The following TNR variants were observed in gnomAD, a reference collection of about 807,000 sequenced individuals.
The protein encoded by TNR is tenascin-R.
Under a neutral mutation model 150.4 loss-of-function variants are expected in TNR, and 45 were observed. The ratio of observed to expected loss-of-function variants is 0.30; its 90% CI spans 0.24 to 0.38. TNR has a LOEUF of 0.38. Among genes scored for constraint, TNR ranks in the 10% least tolerant of loss-of-function variants. TNR has a pLI of 1.00. For synonymous variants in TNR, 687 were observed against 678.4 expected (o/e 1.01, Z -0.20); for missense variants, 1,544 against 1,759.1 (o/e 0.88, Z 2.19).
At chr1:175,389,018 T>C (rs1380689651) in intron 7 of TNR, among the ~76,000 whole-genome samples, 1 of 152,230 alleles carries the variant, frequency 6.6e-6, no homozygotes, top group Non-Finnish European at 1.5e-5. Flanking sequence ...TTTTAGCCTT[T>C]TGTCTTTTAC....
At chr1:175,388,818 A>G (rs149100674) in intron 7 of TNR, among the ~76,000 whole-genome samples, 3 of 152,316 alleles carry the variant, frequency 2.0e-5, no homozygotes, top group African/African-American at 7.2e-5. Context: ...CTTTACCACA[A>G]ATTTCTAGAT....
intron 2 of TNR, among the ~76,000 whole-genome samples, chr1:175,452,617 A>G (rs1656377730): frequency 6.6e-6 from 1 of 152,222 alleles, no homozygotes; most frequent in South Asian, 2.1e-4. Context: ...TTGGGGGGAC[A>G]AAGGTGACAG....
intron 1 of TNR, among the ~76,000 whole-genome samples, chr1:175,588,146 A>G (rs930663664): frequency 1.3e-5 from 2 of 152,262 alleles, no homozygotes; most frequent in Non-Finnish European, 2.9e-5. Context: ...ATGAGTTCAC[A>G]GTCACTGGAG....
Position 175,386,016 on chromosome 1 carries a change from C to T in TNR, c.1777+16G>A, listed in dbSNP as rs72723450. 0.21 allele frequency: 323,329 copies of T among 1,549,290 alleles called. 34,854 individuals carry two copies. The highest frequency in any genetic ancestry group is 0.25 in the South Asian group (21,117 of 82,982). On this transcript the variant is annotated intron_variant, in intron 8 of 22. Coordinates refer to ENST00000367674, the MANE Select transcript of TNR (RefSeq NM_003285.3). ...TCTTTCCCTCCTTGTGCGTCTCTCC[C>T]CCACCGCAGCCTTACCTGTTGTGAA... is the stretch of plus-strand genomic sequence containing the variant.
chr1:175,706,828 A>C (rs1388181817), intron 1 of TNR, among the ~76,000 whole-genome samples: 1 of 152,018 alleles, frequency 6.6e-6, no homozygotes, highest in Non-Finnish European at 1.5e-5. Context: ...CCCCAAAAAA[A>C]CCCTTCCAAG....
At chr1:175,658,524 A>C (rs1052615167) in intron 1 of TNR, among the ~76,000 whole-genome samples, 1 of 152,166 alleles carries the variant, frequency 6.6e-6, no homozygotes, top group Non-Finnish European at 1.5e-5. Context: ...ATGGGCTGCA[A>C]AGGCCTGGCC....
intron 1 of TNR, among the ~76,000 whole-genome samples, chr1:175,572,940 C>T (rs1452191726): frequency 1.3e-5 from 2 of 151,886 alleles, no homozygotes; most frequent in East Asian, 1.9e-4. Context: ...CTTTCTTTTT[C>T]GTCCAGGGAG....
At chr1:175,719,188 G>C (rs961718613) in intron 1 of TNR, among the ~76,000 whole-genome samples, 1 of 152,204 alleles carries the variant, frequency 6.6e-6, no homozygotes, top group African/African-American at 2.4e-5. Flanking sequence ...AGGATATGGA[G>C]TACCCCAAGC....
intron 1 of TNR, among the ~76,000 whole-genome samples, chr1:175,731,425 A>T (rs750103340): frequency 6.6e-6 from 1 of 152,242 alleles, no homozygotes; most frequent in Non-Finnish European, 1.5e-5. Context: ...CAAATATAGT[A>T]TATAACTATG....
chr1:175,330,237 T>C lies in TNR; in HGVS notation c.3632-2A>G. ...TGATCCTGTGTATATTGTCCAGCCCTGTGGAGAAGAGCAGAAAATGCACTG... is the reference window on the plus strand; with the variant it reads ...TGATCCTGTGTATATTGTCCAGCCCCGTGGAGAAGAGCAGAAAATGCACTG... On this transcript the variant is annotated splice_acceptor_variant, in intron 20 of 22. Transcript: ENST00000367674. LOFTEE classifies it high-confidence loss of function. 2 of 1,537,258 alleles carry C rather than the reference T, an allele frequency of 1.3e-6. No homozygotes were observed. Among genetic ancestry groups the C allele is most frequent in the Non-Finnish European group, 1.8e-6 (2 of 1,130,740 alleles).
intron 1 of TNR, among the ~76,000 whole-genome samples, chr1:175,586,570 T>C (rs775263488): frequency 6.6e-6 from 1 of 152,156 alleles, no homozygotes; most frequent in Non-Finnish European, 1.5e-5. Flanking sequence ...CCTCCCAAAG[T>C]GCTGGGACTA....
At chr1:175,611,047 C>G (rs1663579278) in intron 1 of TNR, among the ~76,000 whole-genome samples, 1 of 152,296 alleles carries the variant, frequency 6.6e-6, no homozygotes, top group South Asian at 2.1e-4. Flanking sequence ...TTAAAAGTTA[C>G]CTCTTGATGT....
intron 1 of TNR, among the ~76,000 whole-genome samples, chr1:175,551,852 G>T (rs528751373): frequency 3.9e-4 from 60 of 152,220 alleles, no homozygotes; most frequent in African/African-American, 1.4e-3. Context: ...GGAAGAATGG[G>T]GAGGGGCAAC....
intron 1 of TNR, among the ~76,000 whole-genome samples, chr1:175,734,048 G>A (rs1667711981): frequency 6.6e-6 from 1 of 152,120 alleles, no homozygotes; most frequent in African/African-American, 2.4e-5. Context: ...GTGACAGTAT[G>A]AGAAGGGAAC....
At chr1:175,489,257 A>T (rs1212983775) in intron 2 of TNR, among the ~76,000 whole-genome samples, 1 of 152,210 alleles carries the variant, frequency 6.6e-6, no homozygotes, top group East Asian at 1.9e-4. Flanking sequence ...CTTTGCTCAC[A>T]AAGGGCACAT....
Position 175,738,096 on chromosome 1 carries a change from A to C in TNR, c.-165+5130T>G, listed in dbSNP as rs140595325. 2.2e-3 allele frequency among the ~76,000 whole-genome samples: 341 copies of C among 152,284 alleles called. 5 individuals carry two copies. Among genetic ancestry groups the C allele is most frequent in the Admixed American group, 0.021 (315 of 15,288 alleles). On this transcript the variant is annotated intron_variant, in intron 1 of 22. Coordinates refer to ENST00000367674, the MANE Select transcript of TNR (RefSeq NM_003285.3). ...TGATTCATTCATGTGCACCAGCCCC[A>C]AGTATCCTCCTCCGTTTGCCTCCAA... is the stretch of plus-strand genomic sequence containing the variant.
chr1:175,450,385 G>A (rs1176274546), intron 2 of TNR, among the ~76,000 whole-genome samples: 1 of 152,148 alleles, frequency 6.6e-6, no homozygotes, highest in Admixed American at 6.5e-5. Context: ...GACAAAAATG[G>A]AGATATTTAG....
At chr1:175,489,450 C>A (rs1321134083) in intron 2 of TNR, among the ~76,000 whole-genome samples, 1 of 152,162 alleles carries the variant, frequency 6.6e-6, no homozygotes, top group South Asian at 2.1e-4. Context: ...TCCCAAACAC[C>A]CTGTGAATCA....
intron 1 of TNR, among the ~76,000 whole-genome samples, chr1:175,596,796 C>CA (rs1180366032): frequency 1.3e-5 from 2 of 152,184 alleles, no homozygotes; most frequent in East Asian, 3.9e-4. Context: ...TCATAAAGCT[C>CA]AGCCTTTTTG....
Sources: gnomAD v4.1 joint callset for allele counts (sites outside exome capture counted in the v4.1 genomes callset) on GRCh38, gnomAD v4.1.1 for gene constraint, MANE v1.5 for transcripts, NCBI Gene and HGNC (gene_info 2026-07-23, HGNC 2026-07-21) for gene names.